The following RAD54B variants were observed in gnomAD, a reference collection of about 807,000 sequenced individuals.
The protein encoded by RAD54B is DNA repair and recombination protein RAD54B.
A neutral mutation model predicts 95.8 loss-of-function variants in RAD54B; 78 were observed. The ratio of observed to expected loss-of-function variants is 0.81; its 90% CI spans 0.68 to 0.98. The LOEUF is 0.98. Among genes scored for constraint, RAD54B ranks in the 50% least tolerant of loss-of-function variants. The pLI is 0.00. For synonymous variants in RAD54B, 328 were observed against 354.9 expected, an observed-to-expected ratio of 0.92 and a Z score of 0.85; for missense variants, 957 against 1,056.6, an observed-to-expected ratio of 0.91 and a Z score of 1.31.
intron 9 of RAD54B, 193 bp downstream of exon 9, chr8:94,393,543 ATTCTTTG>A: frequency 2.1e-6 from 1 of 486,860 alleles, no homozygotes. Flanking sequence ...TATTGTCATA[ATTCTTTG>A]TGAAGTTCCT....
chr8:94,422,617 A>AAAAT (rs1554606249), intron 3 of RAD54B, among the ~76,000 whole-genome samples: 21 of 43,568 alleles, frequency 4.8e-4, no homozygotes, highest in Non-Finnish European at 6.6e-4. Flanking sequence ...AAAAAAAAAA[A>AAAAT]ATATATATAT....
At chr8:94,430,187 T>C (rs1366215738) in intron 3 of RAD54B, 1 of 607,020 alleles carries the variant, frequency 1.6e-6, no homozygotes, top group Non-Finnish European at 2.1e-6. Context: ...GTGGTGCGCC[T>C]GTAGTCCCAG....
chr8:94,461,839 G>A (rs1812913474), intron 2 of RAD54B, among the ~76,000 whole-genome samples: 1 of 152,112 alleles, frequency 6.6e-6, no homozygotes, highest in South Asian at 2.1e-4. Context: ...CATAATCACA[G>A]TAAAATTATC....
At chr8:94,388,865 G>A (rs1474028127) in intron 10 of RAD54B, among the ~76,000 whole-genome samples, 1 of 152,152 alleles carries the variant, frequency 6.6e-6, no homozygotes, top group Non-Finnish European at 1.5e-5. Flanking sequence ...AGGACCACAG[G>A]CCCAGGGTCT....
chr8:94,421,449 T>G (rs935698241), intron 3 of RAD54B, among the ~76,000 whole-genome samples: 31 of 152,212 alleles, frequency 2.0e-4, no homozygotes, highest in Admixed American at 1.5e-3. Flanking sequence ...TTAAGTAGCC[T>G]GTCCACTTGA....
In RAD54B at chr8:94,411,323, T is replaced by TAAA; in HGVS notation, c.305-11_305-9dup. 1 of 1,418,316 alleles carries TAAA rather than the reference T, an allele frequency of 7.1e-7. No homozygotes were observed. 87.9% of individuals were successfully genotyped at this position (1,418,316 alleles called of 1,614,324 possible). ...CTTTAGGAGCCGAATGAACTACAAT[T>TAAA]AAAAAAAAAACACACATTATTAAAA... On this transcript the variant is annotated splice_polypyrimidine_tract_variant and intron_variant, in intron 3 of 14. Transcript: ENST00000336148.
At position 94,391,799 on chromosome 8, in the gene RAD54B, G is replaced by A; in HGVS notation, c.1619C>T (p.Pro540Leu). The change falls in exon 10 of 15, where the codon CCA (proline) becomes CTA (leucine). Residue 540 changes from proline (P) to leucine (L), a missense_variant. Transcript: ENST00000336148. ...AAAGACAACATTCTCTATTTTAGGT[G>A]GGAGATATTTATTTATAATTTCTTG... Reference protein sequence around the residue: ...RTQEIINKYLPPKIENVVFCR... With the variant: ...RTQEIINKYLLPKIENVVFCR... The A allele has an allele frequency of 6.2e-7, 1 of 1,613,952 alleles. No homozygotes were observed. The highest frequency in any genetic ancestry group is 8.5e-7 in the Non-Finnish European group (1 of 1,179,942).
At chr8:94,435,851 C>A (rs182848200) in intron 3 of RAD54B, among the ~76,000 whole-genome samples, 65 of 152,014 alleles carry the variant, frequency 4.3e-4, no homozygotes, top group South Asian at 8.3e-4. Flanking sequence ...ACAACAACAA[C>A]AAAAAACTTT....
chr8:94,397,046 G>A (rs1330551639), intron 8 of RAD54B, among the ~76,000 whole-genome samples: 1 of 152,102 alleles, frequency 6.6e-6, no homozygotes, highest in Non-Finnish European at 1.5e-5. Context: ...CTGTTGTTTA[G>A]TCTGTGGTCT....
chr8:94,417,573 C>T (rs954826351), intron 3 of RAD54B, among the ~76,000 whole-genome samples: 7 of 151,366 alleles, frequency 4.6e-5, no homozygotes, highest in Non-Finnish European at 7.4e-5. Context: ...TCAAACAGTA[C>T]AACTAGTTTG....
At chr8:94,396,102 G>A (rs1333068325) in intron 8 of RAD54B, among the ~76,000 whole-genome samples, 1 of 151,734 alleles carries the variant, frequency 6.6e-6, no homozygotes, top group Non-Finnish European at 1.5e-5. Flanking sequence ...AAGGAAGGGG[G>A]GAAAAAGATG....
At chr8:94,437,342 G>T (rs1440997251) in intron 3 of RAD54B, among the ~76,000 whole-genome samples, 17 of 152,172 alleles carry the variant, frequency 1.1e-4, no homozygotes, top group Admixed American at 1.1e-3. Context: ...AAAACTAAAA[G>T]ATATGAGTAG....
chr8:94,464,550 C>T (rs968181102), intron 2 of RAD54B, among the ~76,000 whole-genome samples: 10 of 152,154 alleles, frequency 6.6e-5, no homozygotes, highest in African/African-American at 2.4e-4. Context: ...ACTGATATTT[C>T]AGCAATAAGA....
intron 3 of RAD54B, among the ~76,000 whole-genome samples, chr8:94,453,266 C>A (rs894141893): frequency 1.3e-5 from 2 of 152,162 alleles, no homozygotes; most frequent in Non-Finnish European, 2.9e-5. Context: ...CAGCGGCTCA[C>A]GTCTGTAATC....
chr8:94,395,699 G>A (rs762474954), intron 8 of RAD54B, among the ~76,000 whole-genome samples: 2 of 152,152 alleles, frequency 1.3e-5, no homozygotes, highest in Non-Finnish European at 2.9e-5. Context: ...GAGGGGCTTT[G>A]AGGAAAGTCC....
chr8:94,405,593 G>A (rs1322548495), intron 5 of RAD54B, among the ~76,000 whole-genome samples: 1 of 152,188 alleles, frequency 6.6e-6, no homozygotes, highest in Admixed American at 6.5e-5. Flanking sequence ...AAGTAAAAAT[G>A]GGAAATGTAG....
chr8:94,471,735 AT>A (rs1813176730), intron 1 of RAD54B, among the ~76,000 whole-genome samples: 1 of 152,046 alleles, frequency 6.6e-6, no homozygotes, highest in Non-Finnish European at 1.5e-5. Flanking sequence ...TATATTTCAA[AT>A]TTTTTACAAT....
chr8:94,399,652 A>G (rs1811222187), intron 7 of RAD54B, 31 bp from the exon 8 acceptor site: 2 of 1,564,048 alleles, frequency 1.3e-6, no homozygotes, highest in Non-Finnish European at 8.6e-7. Flanking sequence ...TTTAAAAATC[A>G]GGAACAGAAA....
chr8:94,402,251 CT>C (rs145064709), intron 6 of RAD54B, among the ~76,000 whole-genome samples: 214 of 143,800 alleles, frequency 1.5e-3, no homozygotes, highest in Admixed American at 1.7e-3. Context: ...TGCTATTTTT[CT>C]TTTTTTTTTT....
Sources: gnomAD v4.1 joint callset for allele counts (sites outside exome capture counted in the v4.1 genomes callset) on GRCh38, gnomAD v4.1.1 for gene constraint, MANE v1.5 for transcripts, NCBI Gene and HGNC (gene_info 2026-07-23, HGNC 2026-07-21) for gene names.